Variants in GAP43 observed in about 807,000 individuals in gnomAD.
GAP43 encodes neuromodulin.
GAP43 carries 6 observed loss-of-function variants against 18.6 expected under a neutral mutation model. The observed-to-expected ratio is 0.32, with a 90% CI of 0.18 to 0.64. The LOEUF (loss-of-function observed/expected upper bound fraction) is 0.64. GAP43 is among the 30% of genes least tolerant of loss of function. GAP43 has a pLI of 0.78. For missense variants in GAP43, 292 were observed against 295.5 expected (o/e 0.99, Z 0.09); for synonymous variants, 115 against 111.4 (o/e 1.03, Z -0.20).
intron 1 of GAP43, among the ~76,000 whole-genome samples, chr3:115,673,004 C>A (rs1181073725): frequency 6.6e-6 from 1 of 152,096 alleles, no homozygotes; most frequent in Non-Finnish European, 1.5e-5. Flanking sequence ...CTTCACCTCT[C>A]TCTCCTAACT....
intron 1 of GAP43, among the ~76,000 whole-genome samples, chr3:115,635,762 T>C (rs1226675794): frequency 6.6e-6 from 1 of 151,882 alleles, no homozygotes; most frequent in African/African-American, 2.4e-5. Context: ...TATGCTTAAA[T>C]ATGCATAACC....
At chr3:115,712,239 G>T (rs1185074650) in intron 2 of GAP43, among the ~76,000 whole-genome samples, 7 of 152,094 alleles carry the variant, frequency 4.6e-5, no homozygotes, top group African/African-American at 1.7e-4. Context: ...AAGAGTAGCT[G>T]TCTTTAATTA....
At chr3:115,710,139 A>C (rs1013437460) in intron 2 of GAP43, among the ~76,000 whole-genome samples, 1 of 152,150 alleles carries the variant, frequency 6.6e-6, no homozygotes, top group Admixed American at 6.6e-5. Context: ...CTGATTCACT[A>C]TAATGTGCCA....
chr3:115,691,002 G>A (rs1367163651), intron 2 of GAP43, among the ~76,000 whole-genome samples: 12 of 151,666 alleles, frequency 7.9e-5, no homozygotes, highest in South Asian at 6.3e-4. Flanking sequence ...TGATCCACCC[G>A]CCTCGGCCTC....
intron 1 of GAP43, among the ~76,000 whole-genome samples, chr3:115,635,643 C>G (rs935277009): frequency 6.6e-6 from 1 of 151,438 alleles, no homozygotes; most frequent in Non-Finnish European, 1.5e-5. Flanking sequence ...TGAACATCAT[C>G]TGGAAAACAC....
At chr3:115,669,810 G>C (rs1247509091) in intron 1 of GAP43, among the ~76,000 whole-genome samples, 1 of 151,882 alleles carries the variant, frequency 6.6e-6, no homozygotes, top group Non-Finnish European at 1.5e-5. Flanking sequence ...TACTACTGCA[G>C]TTTCCAATAT....
intron 2 of GAP43, among the ~76,000 whole-genome samples, chr3:115,704,156 T>A (rs1222390575): frequency 6.6e-6 from 1 of 152,116 alleles, no homozygotes. Context: ...ATAACAATAT[T>A]TTAAAAATTA....
intron 2 of GAP43, among the ~76,000 whole-genome samples, chr3:115,698,061 A>C (rs1324807871): frequency 1.4e-5 from 1 of 70,322 alleles, no homozygotes; most frequent in Non-Finnish European, 2.4e-5. Context: ...TATATAAAAT[A>C]TATATTATAT....
chr3:115,656,300 G>C (rs944340255), intron 1 of GAP43, among the ~76,000 whole-genome samples: 1 of 152,206 alleles, frequency 6.6e-6, no homozygotes, highest in Non-Finnish European at 1.5e-5. Context: ...TAATGGGGTA[G>C]AAATAGAAAA....
At position 115,676,194 on chromosome 3, in the gene GAP43, A is replaced by G; in HGVS notation, c.212A>G (p.Glu71Gly). The G allele has an allele frequency of 1.2e-6, 2 of 1,614,180 alleles. No individual in the cohort carries two copies. Among genetic ancestry groups the G allele is most frequent in the Non-Finnish European group, 1.7e-6 (2 of 1,180,034 alleles). ...AAEAEANKKD[E>G]APVADGVEKK... ...GAGGCTGAAGCTAATAAGAAGGATG[A>G]AGCCCCTGTTGCCGATGGGGTGGAG... The change falls in exon 2 of 3, where the codon GAA (glutamate) becomes GGA (glycine). Residue 71 changes from glutamate to glycine, a missense_variant. Transcript: ENST00000305124.
intron 2 of GAP43, among the ~76,000 whole-genome samples, chr3:115,714,875 A>G (rs1709485098): frequency 7.0e-6 from 1 of 143,018 alleles, no homozygotes; most frequent in Non-Finnish European, 1.5e-5. Flanking sequence ...GTGCGCGTGC[A>G]CACACACACA....
intron 1 of GAP43, among the ~76,000 whole-genome samples, chr3:115,656,806 G>A (rs1160584560): frequency 6.6e-6 from 1 of 152,128 alleles, no homozygotes; most frequent in Non-Finnish European, 1.5e-5. Flanking sequence ...TTCCAGACCT[G>A]TCTGTAAAAC....
At chr3:115,696,584 C>T (rs9871719) in intron 2 of GAP43, among the ~76,000 whole-genome samples, 1 of 120,748 alleles carries the variant, frequency 8.3e-6, no homozygotes, top group East Asian at 3.1e-4. Flanking sequence ...CACCGCCCCC[C>T]CCCCCCACAA....
intron 1 of GAP43, among the ~76,000 whole-genome samples, chr3:115,669,371 C>T (rs992305640): frequency 2.6e-5 from 4 of 152,124 alleles, no homozygotes; most frequent in African/African-American, 4.8e-5. Flanking sequence ...ATTTCTTCAC[C>T]TGTCATCATC....
intron 1 of GAP43, among the ~76,000 whole-genome samples, chr3:115,674,716 T>C (rs1313486586): frequency 6.6e-6 from 1 of 152,204 alleles, no homozygotes; most frequent in Non-Finnish European, 1.5e-5. Flanking sequence ...GAAGGTTTGG[T>C]AAGTTTATTG....
intron 1 of GAP43, among the ~76,000 whole-genome samples, chr3:115,627,122 CTTTTTTCTTTCTT>C (rs1162811802): frequency 1.1e-4 from 12 of 112,946 alleles, no homozygotes; most frequent in Non-Finnish European, 1.4e-4. Context: ...CATTTTCTTT[CTTTTTTCTTTCTT>C]TTTTTTTTTT....
chr3:115,637,015 G>T (rs926195436), intron 1 of GAP43, among the ~76,000 whole-genome samples: 1 of 151,684 alleles, frequency 6.6e-6, no homozygotes, highest in Admixed American at 6.6e-5. Context: ...CATTGTTACC[G>T]CCACTACTTG....
At chr3:115,656,094 C>G (rs999992018) in intron 1 of GAP43, among the ~76,000 whole-genome samples, 1 of 152,172 alleles carries the variant, frequency 6.6e-6, no homozygotes, top group Non-Finnish European at 1.5e-5. Flanking sequence ...AGCCCCAGCT[C>G]TATCTGGGGC....
rs1708386581 is a variant in GAP43 at position 115,640,932 on chromosome 3, TC to T, written c.30+17215del. Reference sequence around the variant, plus strand: ...CTTTTTCTTTCTTTCCTTCTTTTTTTCCTTCTCTTTCTTTCTCCCTCCCTCC... The same window carrying T: ...CTTTTTCTTTCTTTCCTTCTTTTTTTCTTCTCTTTCTTTCTCCCTCCCTCC... On this transcript the variant is annotated intron_variant, in intron 1 of 2. Coordinates refer to ENST00000305124, the MANE Select transcript of GAP43 (RefSeq NM_002045.4). Among the ~76,000 whole-genome samples, 3 of 151,012 alleles carry T rather than the reference TC, an allele frequency of 2.0e-5. No homozygotes were observed. The Admixed American group carries it at 2.0e-4, about 10-fold the overall frequency.
Sources: gnomAD v4.1 joint callset for allele counts (sites outside exome capture counted in the v4.1 genomes callset) on GRCh38, gnomAD v4.1.1 for gene constraint, MANE v1.5 for transcripts, NCBI Gene and HGNC (gene_info 2026-07-23, HGNC 2026-07-21) for gene names.